Variants in MAP4K5 observed in about 807,000 individuals in gnomAD.
MAP4K5 encodes MAPK/ERK kinase kinase kinase 5.
A neutral mutation model predicts 135.6 loss-of-function variants in MAP4K5; 82 were observed. That is an observed-to-expected ratio of 0.60 (90% confidence interval 0.51 to 0.73). The LOEUF (loss-of-function observed/expected upper bound fraction) is 0.73, where lower values mean the gene tolerates loss of function less well. Ranked by LOEUF, MAP4K5 falls within the 30% of genes least tolerant of loss-of-function variation. The pLI is 0.00. For missense variants in MAP4K5, 907 were observed against 1,010.9 expected (o/e 0.90, Z 1.39); for synonymous variants, 347 against 335.0 (o/e 1.04, Z -0.39).
intron 6 of MAP4K5, 32 bp from the exon 7 acceptor site, chr14:50,476,338 ATC>A: frequency 8.7e-7 from 1 of 1,148,612 alleles, no homozygotes; most frequent in Non-Finnish European, 1.2e-6. Flanking sequence ...AAAAGAATGT[ATC>A]AGCAAAACTG....
At chr14:50,497,529 C>A (rs1008065058) in intron 3 of MAP4K5, among the ~76,000 whole-genome samples, 1 of 152,192 alleles carries the variant, frequency 6.6e-6, no homozygotes, top group Non-Finnish European at 1.5e-5. Flanking sequence ...TTTGGCCAAA[C>A]AGCCTACCCT....
At chr14:50,423,296 CAAAT>C (rs903779344) in intron 31 of MAP4K5, 120 bp from the exon 32 acceptor site, 16 of 498,902 alleles carry the variant, frequency 3.2e-5, no homozygotes, top group South Asian at 1.3e-4. Flanking sequence ...CTTAATTCCT[CAAAT>C]AAAAGAAATT....
chr14:50,512,344 G>C (rs1480911324), intron 2 of MAP4K5, among the ~76,000 whole-genome samples: 1 of 151,938 alleles, frequency 6.6e-6, no homozygotes, highest in African/African-American at 2.4e-5. Flanking sequence ...AGAAAAGGAA[G>C]GATACCTTGA....
chr14:50,513,969 A>G (rs1403274310), intron 2 of MAP4K5, among the ~76,000 whole-genome samples: 1 of 152,252 alleles, frequency 6.6e-6, no homozygotes, highest in East Asian at 1.9e-4. Context: ...TGAAAAATAC[A>G]AAGTAGCTGA....
chr14:50,429,433 C>CA (rs1438945196), intron 28 of MAP4K5, among the ~76,000 whole-genome samples, 173 bp from the exon 29 acceptor site: 1 of 151,958 alleles, frequency 6.6e-6, no homozygotes, highest in Non-Finnish European at 1.5e-5. Context: ...TTTAAGAGGA[C>CA]AAATATGTCC....
chr14:50,444,697 T>C (rs762977934), intron 18 of MAP4K5, among the ~76,000 whole-genome samples: 8 of 152,182 alleles, frequency 5.3e-5, no homozygotes, highest in Non-Finnish European at 1.0e-4. Flanking sequence ...GACACATACA[T>C]AAACTGTCTT....
intron 28 of MAP4K5, among the ~76,000 whole-genome samples, chr14:50,433,268 G>T (rs1331528374): frequency 1.3e-5 from 2 of 152,190 alleles, no homozygotes; most frequent in Non-Finnish European, 2.9e-5. Flanking sequence ...GACTTAAAAG[G>T]CAGAGTGCAG....
intron 2 of MAP4K5, among the ~76,000 whole-genome samples, chr14:50,523,823 C>G (rs750127412): frequency 2.0e-5 from 3 of 152,130 alleles, no homozygotes; most frequent in Non-Finnish European, 2.9e-5. Context: ...CATAGGAGGC[C>G]TTCTATAAGT....
intron 2 of MAP4K5, among the ~76,000 whole-genome samples, chr14:50,529,373 C>T (rs918642870): frequency 1.3e-5 from 2 of 151,970 alleles, no homozygotes; most frequent in South Asian, 2.1e-4. Context: ...GGGGACAGAG[C>T]GACATCCTGT....
intron 5 of MAP4K5, among the ~76,000 whole-genome samples, chr14:50,485,279 AT>A (rs912385829): frequency 6.6e-6 from 1 of 151,670 alleles, no homozygotes; most frequent in East Asian, 1.9e-4. Flanking sequence ...TTGCATTTCA[AT>A]TTTTTTTTAC....
At chr14:50,537,767 GC>G (rs1273272554) in intron 2 of MAP4K5, among the ~76,000 whole-genome samples, 1 of 152,232 alleles carries the variant, frequency 6.6e-6, no homozygotes, top group Non-Finnish European at 1.5e-5. Flanking sequence ...GGGGCCTGTA[GC>G]CCCTTTGTTT....
At chr14:50,529,181 G>A (rs532194909) in intron 2 of MAP4K5, among the ~76,000 whole-genome samples, 2 of 152,028 alleles carry the variant, frequency 1.3e-5, no homozygotes, top group East Asian at 1.9e-4. Flanking sequence ...TCAGGAGTTC[G>A]AGACCAGACT....
chr14:50,507,245 C>A (rs2037829632), intron 2 of MAP4K5, among the ~76,000 whole-genome samples: 1 of 152,216 alleles, frequency 6.6e-6, no homozygotes, highest in Non-Finnish European at 1.5e-5. Context: ...GGCCATCCTG[C>A]TGCCAGGGGT....
intron 3 of MAP4K5, among the ~76,000 whole-genome samples, chr14:50,498,344 A>T (rs755782691): frequency 1.3e-5 from 2 of 152,250 alleles, no homozygotes; most frequent in Non-Finnish European, 2.9e-5. Context: ...TGGTGACTTT[A>T]GTAAGTATCT....
In MAP4K5 at chr14:50,482,369, T is replaced by G; in HGVS notation, c.370A>C (p.Thr124Pro). The G allele has an allele frequency of 6.6e-7, 1 of 1,513,994 alleles. No individual in the cohort carries two copies. Among genetic ancestry groups the G allele is most frequent in the Non-Finnish European group, 8.8e-7 (1 of 1,132,650 alleles). 93.8% of individuals were successfully genotyped at this position (1,513,994 alleles called of 1,614,324 possible). A position where few individuals can be genotyped will look rare whatever the true frequency, so the allele number is the denominator to read the frequency against. The change falls in exon 6 of 33, where the codon ACC (threonine) becomes CCC (proline). Residue 124 changes from threonine (T) to proline (P), a missense_variant. By Grantham distance (38) the Thr-to-Pro change is conservative (BLOSUM62 -1). This residue lies in a region of MAP4K5 where 196 missense variants were observed against 189.3 expected (regional missense o/e 1.04). Coordinates refer to ENST00000682126, the MANE Select transcript of MAP4K5 (RefSeq NM_006575.6). ...TTAAGAAAATATAGTACCTGTAAGG[T>G]TTCTCTGCATACATAGGCTATTTGC... Reference protein sequence around the residue: ...ELQIAYVCRETLQGLAYLHTK... With the variant: ...ELQIAYVCREPLQGLAYLHTK...
At position 50,491,615 on chromosome 14, in the gene MAP4K5, T is replaced by C. The variant is rs143638231; in HGVS notation, c.167-5421A>G. On this transcript the variant is annotated intron_variant, in intron 3 of 32. Coordinates refer to ENST00000682126, the MANE Select transcript of MAP4K5 (RefSeq NM_006575.6). Reference sequence around the variant, plus strand: ...CGCAGCTTATTATCTCTTAAACTCCTAAAACTGTGTTCCAAGCTATAAGCA... The same window carrying C: ...CGCAGCTTATTATCTCTTAAACTCCCAAAACTGTGTTCCAAGCTATAAGCA... Among the ~76,000 whole-genome samples, 3 of 151,938 alleles carry C rather than the reference T, an allele frequency of 2.0e-5. 1 individual carries two copies. Among genetic ancestry groups the C allele is most frequent in the African/African-American group, 7.2e-5 (3 of 41,426 alleles).
At chr14:50,434,644 C>A (rs2036049885) in intron 27 of MAP4K5, 73 bp from the exon 28 acceptor site, 8 of 1,337,944 alleles carry the variant, frequency 6.0e-6, no homozygotes, top group Non-Finnish European at 3.1e-6. Context: ...TGAATAAAGT[C>A]AACAGAAAGA....
intron 23 of MAP4K5, 180 bp downstream of exon 23, chr14:50,439,833 G>C (rs1042208396): frequency 1.1e-5 from 3 of 264,034 alleles, no homozygotes; most frequent in African/African-American, 6.9e-5. Flanking sequence ...CCTAACTGAA[G>C]ACAGGATCCC....
chr14:50,466,700 TAGAA>T (rs1215560622), intron 10 of MAP4K5, 55 bp from the exon 11 acceptor site: 3 of 772,212 alleles, frequency 3.9e-6, no homozygotes, highest in Non-Finnish European at 4.5e-6. Flanking sequence ...ATCTAACAAT[TAGAA>T]AGAATATTCT....
Sources: gnomAD v4.1 joint callset for allele counts (sites outside exome capture counted in the v4.1 genomes callset) on GRCh38, gnomAD v4.1.1 for gene constraint, gnomAD v4.1.1 regional missense constraint, MANE v1.5 for transcripts, NCBI Gene and HGNC (gene_info 2026-07-23, HGNC 2026-07-21) for gene names.